Variants in RALGAPA1 observed in about 807,000 individuals in gnomAD.
RALGAPA1 encodes Ral GTPase activating protein catalytic subunit alpha 1.
RALGAPA1 carries 52 observed loss-of-function variants against 269.6 expected under a neutral mutation model. The ratio of observed to expected loss-of-function variants is 0.19; its 90% CI spans 0.15 to 0.24. The LOEUF is 0.24. Among genes scored for constraint, RALGAPA1 ranks in the 10% least tolerant of loss-of-function variants. The pLI is 1.00. For synonymous variants in RALGAPA1, 817 were observed against 1,008.3 expected, an observed-to-expected ratio of 0.81 and a Z score of 3.60; for missense variants, 1,917 against 3,013.9, an observed-to-expected ratio of 0.64 and a Z score of 8.52.
At chr14:35,701,717 C>G (rs1294110286) in intron 16 of RALGAPA1, among the ~76,000 whole-genome samples, 1 of 152,056 alleles carries the variant, frequency 6.6e-6, no homozygotes, top group East Asian at 1.9e-4. Context: ...TCATAGCTTG[C>G]TGCAACCCTG....
intron 36 of RALGAPA1, among the ~76,000 whole-genome samples, chr14:35,604,077 T>C (rs936001966): frequency 6.6e-6 from 1 of 152,108 alleles, no homozygotes; most frequent in Non-Finnish European, 1.5e-5. Context: ...TCACTACACA[T>C]TGTATGCACT....
Position 35,627,424 on chromosome 14 carries a change from G to C in RALGAPA1, c.6523C>G (p.Pro2175Ala). The C allele has an allele frequency of 6.2e-7, 1 of 1,613,816 alleles. No individual in the cohort carries two copies. The highest frequency in any genetic ancestry group is 8.5e-7 in the Non-Finnish European group (1 of 1,179,952). ...TCATCTCTTATTGTATCCCAAGTTG[G>C]TACAGTTTCTCTAAATCTTTTAAAC... ...LQFKRFRETV[P>A]TWDTIRDEED... Residue 2175 changes from proline to alanine, a missense_variant, in exon 34 of 42, where the codon CCA (proline) becomes GCA (alanine). Physicochemically the swap from Pro to Ala is conservative, Grantham distance 27 (BLOSUM62 -1). This residue lies in a region of RALGAPA1 where 132 missense variants were observed against 271.2 expected (regional missense o/e 0.49). Transcript: ENST00000680220.
At chr14:35,644,103 T>G (rs2062216299) in intron 31 of RALGAPA1, among the ~76,000 whole-genome samples, 1 of 152,232 alleles carries the variant, frequency 6.6e-6, no homozygotes, top group African/African-American at 2.4e-5. Context: ...CCATTTATCC[T>G]GACATATTAT....
In RALGAPA1 at chr14:35,688,554, T is replaced by C; in HGVS notation, c.3857A>G (p.Asn1286Ser). The change falls in exon 18 of 42, where the codon AAT becomes AGT. Residue 1286 changes from asparagine to serine, a missense_variant. Physicochemically the swap from Asn to Ser is conservative, Grantham distance 46. Around this residue, in one of 11 missense-constraint regions of RALGAPA1, gnomAD observed 615 missense variants for 790.0 expected, o/e 0.78. Transcript: ENST00000680220. ...TCTGTTCTGCCTCTGTGGGGAAACATTTGCCTTCGGCTTCGAAAGAGCATG... is the reference window on the plus strand; with the variant it reads ...TCTGTTCTGCCTCTGTGGGGAAACACTTGCCTTCGGCTTCGAAAGAGCATG... ...VVHALSKPKA[N>S]VSPQRQNRMP... 1 of 1,536,126 alleles carries C rather than the reference T, an allele frequency of 6.5e-7. No homozygotes were observed. The highest frequency in any genetic ancestry group is 8.7e-7 in the Non-Finnish European group (1 of 1,146,878).
At chr14:35,570,053 C>T (rs1018923354) in intron 39 of RALGAPA1, among the ~76,000 whole-genome samples, 50 of 151,608 alleles carry the variant, frequency 3.3e-4, no homozygotes, top group Admixed American at 6.6e-4. Context: ...GCGGATCACC[C>T]GAGGTCAGGA....
At position 35,649,583 on chromosome 14, in the gene RALGAPA1, GT is replaced by G. The variant is rs1414581010; in HGVS notation, c.5676+2221del. On this transcript the variant is annotated intron_variant, in intron 31 of 41. Coordinates refer to ENST00000680220, the MANE Select transcript of RALGAPA1 (RefSeq NM_001346249.2). ...CCAAAACAAACCATACTATTTTATA[GT>G]CCCCAGATTTACACATGCTATTCAT... Among the ~76,000 whole-genome samples the G allele has an allele frequency of 3.9e-5, 6 of 151,926 alleles. 1 individual carries two copies. The highest frequency in any genetic ancestry group is 1.5e-4 in the African/African-American group (6 of 41,346).
rs1595136060 is a variant in RALGAPA1, at chr14:35,685,270, A to G, written c.4078-125T>C. On this transcript the variant is annotated intron_variant, in intron 19 of 41. Coordinates refer to ENST00000680220, the MANE Select transcript of RALGAPA1 (RefSeq NM_001346249.2). The stretch of plus-strand genomic sequence containing the variant: ...TTTAGAGGCTGAAGTAGGAGTGGAG[A>G]ACACACTCACCAAACAATCTATGTA... 8.5e-6 allele frequency: 7 copies of G among 819,676 alleles called. No homozygotes were observed. In the East Asian group the frequency reaches 1.9e-4, roughly 22 times the overall value. The allele number at this position is 819,676 out of a possible 1,614,324, so 50.8% of individuals were successfully genotyped here.
intron 32 of RALGAPA1, 87 bp downstream of exon 32, chr14:35,635,377 A>T: frequency 7.3e-7 from 1 of 1,370,626 alleles, no homozygotes; most frequent in Non-Finnish European, 9.6e-7. Context: ...GCTCTAAAAG[A>T]ATAAAAATGT....
At chr14:35,626,939 G>T in intron 34 of RALGAPA1, 151 bp downstream of exon 34, 2 of 629,896 alleles carry the variant, frequency 3.2e-6, no homozygotes, top group South Asian at 4.0e-5. Flanking sequence ...TAACTCAGTG[G>T]TCTCAAAAAA....
intron 35 of RALGAPA1, among the ~76,000 whole-genome samples, chr14:35,611,703 C>G (rs1347356437): frequency 1.3e-5 from 2 of 151,874 alleles, no homozygotes; most frequent in Non-Finnish European, 2.9e-5. Flanking sequence ...CCATTGCACT[C>G]TAGGCTGGGC....
intron 31 of RALGAPA1, among the ~76,000 whole-genome samples, chr14:35,645,529 G>C (rs574995032): frequency 7.2e-5 from 11 of 152,116 alleles, no homozygotes; most frequent in Admixed American, 3.3e-4. Flanking sequence ...AGGAGATCGA[G>C]ACCATCCTGG....
chr14:35,745,644 A>G, intron 10 of RALGAPA1, among the ~76,000 whole-genome samples: 1 of 151,560 alleles, frequency 6.6e-6, no homozygotes, highest in Non-Finnish European at 1.5e-5. Flanking sequence ...CATGCCTGTA[A>G]TCCCAGCTAC....
At chr14:35,635,112 A>T (rs901920345) in intron 32 of RALGAPA1, among the ~76,000 whole-genome samples, 7 of 152,172 alleles carry the variant, frequency 4.6e-5, no homozygotes, top group African/African-American at 1.7e-4. Context: ...CGGAGGTTGC[A>T]GTGAGCCGAG....
intron 16 of RALGAPA1, among the ~76,000 whole-genome samples, chr14:35,712,802 G>A (rs1453058986): frequency 6.6e-6 from 1 of 151,122 alleles, no homozygotes; most frequent in African/African-American, 2.4e-5. Flanking sequence ...AGATTACAAA[G>A]TGCTAAGATT....
chr14:35,621,841 A>G (rs2060650541), intron 35 of RALGAPA1, among the ~76,000 whole-genome samples: 2 of 152,196 alleles, frequency 1.3e-5, no homozygotes, highest in Non-Finnish European at 2.9e-5. Context: ...TTAGAATGGC[A>G]ATCATTAAAA....
chr14:35,721,143 C>T (rs531174540), intron 16 of RALGAPA1, among the ~76,000 whole-genome samples: 15 of 152,284 alleles, frequency 9.9e-5, no homozygotes, highest in East Asian at 1.9e-4. Context: ...TTGTTCCCAA[C>T]GTTGTTCCTT....
intron 21 of RALGAPA1, among the ~76,000 whole-genome samples, chr14:35,679,301 T>C (rs555700634): frequency 6.6e-6 from 1 of 152,270 alleles, no homozygotes; most frequent in South Asian, 2.1e-4. Flanking sequence ...TTCTACACAG[T>C]AAAGCAAAAA....
chr14:35,572,943 TAA>T (rs1282467686), intron 37 of RALGAPA1: 1 of 295,870 alleles, frequency 3.4e-6, no homozygotes, highest in East Asian at 5.5e-5. Context: ...AACTTAGATT[TAA>T]AAAGATTCAC....
chr14:35,583,801 T>C (rs1308461583), intron 37 of RALGAPA1, among the ~76,000 whole-genome samples: 1 of 152,138 alleles, frequency 6.6e-6, no homozygotes, highest in Admixed American at 6.5e-5. Flanking sequence ...GAGTGAAATA[T>C]TTAAAGTATT....
Sources: gnomAD v4.1 joint callset for allele counts (sites outside exome capture counted in the v4.1 genomes callset) on GRCh38, gnomAD v4.1.1 for gene constraint, gnomAD v4.1.1 regional missense constraint, MANE v1.5 for transcripts, NCBI Gene and HGNC (gene_info 2026-07-23, HGNC 2026-07-21) for gene names.